Variants in FAM199X observed in about 807,000 individuals in gnomAD.
The protein encoded by FAM199X is family with sequence similarity 199, X-linked.
Under a neutral mutation model 22.9 loss-of-function variants are expected in FAM199X, and 4 were observed. The observed-to-expected ratio is 0.17, with a 90% CI of 0.09 to 0.40. FAM199X has a LOEUF of 0.40. FAM199X is among the 10% of genes least tolerant of loss of function. The probability of loss-of-function intolerance (pLI) is 1.00; values close to 1 mark genes in which losing one functional copy is unlikely to be tolerated. For missense variants in FAM199X, 183 were observed against 306.8 expected, an observed-to-expected ratio of 0.60 and a Z score of 3.01; for synonymous variants, 101 against 112.3, an observed-to-expected ratio of 0.90 and a Z score of 0.64.
At position 104,166,567 on chromosome X, in the gene FAM199X, A is replaced by G; in HGVS notation, c.-219A>G. 3.3e-6 allele frequency: 1 copy of G among 301,346 alleles called. No homozygotes were observed. The highest frequency in any genetic ancestry group is 5.8e-6 in the Non-Finnish European group (1 of 172,095). 24.8% of individuals were successfully genotyped at this position (301,346 alleles called of 1,213,427 possible). On this transcript the variant is annotated 5_prime_UTR_variant, in exon 1 of 6. Transcript: ENST00000493442. ...AAGCTGCAGAGGCCACCGGGGCGCTAACTGGGTGGCCGGTGGGCCGCTGTG... is the reference window on the plus strand; with the variant it reads ...AAGCTGCAGAGGCCACCGGGGCGCTGACTGGGTGGCCGGTGGGCCGCTGTG...
At chrX:104,184,899 G>A in intron 2 of FAM199X, among the ~76,000 whole-genome samples, 1 of 107,378 alleles carries the variant, frequency 9.3e-6, no homozygotes. Context: ...TTACATCTCA[G>A]ACCACAGGCA....
chrX:104,181,246 A>G (rs1921643954), intron 2 of FAM199X, among the ~76,000 whole-genome samples: 1 of 112,837 alleles, frequency 8.9e-6, no homozygotes, highest in Admixed American at 9.4e-5. Context: ...ATTACTGATC[A>G]TAATATAAAT....
chrX:104,177,381 G>A (rs1556376692), intron 2 of FAM199X, among the ~76,000 whole-genome samples: 2 of 111,912 alleles, frequency 1.8e-5, no homozygotes, highest in African/African-American at 6.5e-5. Context: ...GAACTTTTGG[G>A]TTGTTTCTAC....
intron 2 of FAM199X, among the ~76,000 whole-genome samples, chrX:104,177,134 C>G (rs1453831327): frequency 9.0e-6 from 1 of 111,475 alleles, no homozygotes; most frequent in Non-Finnish European, 1.9e-5. Context: ...CAATTCTCCC[C>G]TCCCCCTTAT....
upstream of FAM199X, among the ~76,000 whole-genome samples, chrX:104,162,321 A>C (rs1248260263): frequency 8.9e-6 from 1 of 111,849 alleles, no homozygotes; most frequent in East Asian, 2.8e-4. Context: ...TTTTAAATTT[A>C]GGCCATTAGC....
At chrX:104,174,188 C>G (rs782201965) in intron 1 of FAM199X, among the ~76,000 whole-genome samples, 99 of 110,145 alleles carry the variant, frequency 9.0e-4, no homozygotes, top group African/African-American at 3.1e-3. Context: ...GAGAATCGCT[C>G]GAGCCTGGGA....
At chrX:104,187,098 C>CTT (rs781858012) in intron 4 of FAM199X, among the ~76,000 whole-genome samples, 1,007 of 98,826 alleles carry the variant, frequency 0.01, 19 homozygotes, top group African/African-American at 0.035. Context: ...GTATCATCTT[C>CTT]TTTTTTTTTT....
intron 1 of FAM199X, among the ~76,000 whole-genome samples, chrX:104,173,848 T>A (rs1921420483): frequency 1.8e-5 from 2 of 112,279 alleles, no homozygotes; most frequent in South Asian, 7.2e-4. Flanking sequence ...AATGTTAATA[T>A]CCTTAATACA....
the FAM199X span, among the ~76,000 whole-genome samples, chrX:104,160,337 A>G: frequency 1.5e-4 from 17 of 113,159 alleles, no homozygotes; most frequent in South Asian, 5.7e-3. Flanking sequence ...CAAATTAGAA[A>G]TGAAGATATA....
intron 2 of FAM199X, among the ~76,000 whole-genome samples, chrX:104,181,339 A>G (rs1921646865): frequency 8.9e-6 from 1 of 112,185 alleles, no homozygotes; most frequent in Non-Finnish European, 1.9e-5. Flanking sequence ...ATAAAATGGA[A>G]AATTGCTGGT....
chrX:104,169,495 A>G (rs868968051), intron 1 of FAM199X, among the ~76,000 whole-genome samples: 2 of 112,046 alleles, frequency 1.8e-5, no homozygotes, highest in Admixed American at 1.9e-4. Flanking sequence ...ATTCTGGGCT[A>G]TATTTGCAAT....
At chrX:104,172,206 A>G (rs1556375500) in intron 1 of FAM199X, among the ~76,000 whole-genome samples, 1 of 106,138 alleles carries the variant, frequency 9.4e-6, no homozygotes, top group Non-Finnish European at 1.9e-5. Flanking sequence ...ATTTGAAACC[A>G]GCCCGGACAA....
intron 1 of FAM199X, among the ~76,000 whole-genome samples, chrX:104,167,243 C>G (rs1556374232): frequency 9.4e-6 from 1 of 106,783 alleles, no homozygotes; most frequent in African/African-American, 3.4e-5. Flanking sequence ...TTCTCCCTCC[C>G]TTGCTTCCCT....
At chrX:104,159,468 A>G in the FAM199X span, among the ~76,000 whole-genome samples, 1 of 112,511 alleles carries the variant, frequency 8.9e-6, no homozygotes, top group Non-Finnish European at 1.9e-5. Context: ...CAATGTTAGA[A>G]AGGGAGATGT....
At chrX:104,176,699 T>A (rs1340042492) in intron 2 of FAM199X, among the ~76,000 whole-genome samples, 2 of 112,354 alleles carry the variant, frequency 1.8e-5, no homozygotes, top group East Asian at 5.6e-4. Context: ...TAAGTATGTT[T>A]GCATACTGTT....
chrX:104,187,933 A>G, intron 4 of FAM199X, 107 bp from the exon 5 acceptor site: 1 of 973,924 alleles, frequency 1.0e-6, no homozygotes, highest in Admixed American at 2.7e-5. Context: ...CATCTGCAGC[A>G]CTTTTGACAG....
upstream of FAM199X, among the ~76,000 whole-genome samples, chrX:104,162,467 A>G (rs1390548349): frequency 8.9e-6 from 1 of 111,966 alleles, no homozygotes; most frequent in African/African-American, 3.2e-5. Flanking sequence ...AAAATTCACC[A>G]GTTTCACCAC....
At chrX:104,165,182 T>G (rs1921132993), upstream of FAM199X, among the ~76,000 whole-genome samples, 1 of 112,505 alleles carries the variant, frequency 8.9e-6, no homozygotes, top group Non-Finnish European at 1.9e-5. Flanking sequence ...GAAAGCCACA[T>G]ACACAATGCA....
the FAM199X span, among the ~76,000 whole-genome samples, chrX:104,158,700 C>T: frequency 8.9e-6 from 1 of 111,871 alleles, no homozygotes; most frequent in Non-Finnish European, 1.9e-5. Context: ...TCCACACCTA[C>T]CCACTCTCAC....
Sources: allele counts gnomAD v4.1 joint callset (sites outside exome capture counted in the v4.1 genomes callset), GRCh38; gene constraint gnomAD v4.1.1; transcripts MANE v1.5; gene names NCBI Gene and HGNC (gene_info 2026-07-23, HGNC 2026-07-21).